Variants in FLT1 observed in about 807,000 individuals in gnomAD.
FLT1 encodes the protein fms related receptor tyrosine kinase 1.
Under a neutral mutation model 156.3 loss-of-function variants are expected in FLT1, and 49 were observed. That is an observed-to-expected ratio of 0.31 (90% CI 0.25 to 0.40). FLT1 has a LOEUF of 0.40. FLT1 is among the 10% of genes least tolerant of loss of function. The probability of loss-of-function intolerance (pLI) is 1.00; values close to 1 mark genes in which losing one functional copy is unlikely to be tolerated. For synonymous variants in FLT1, 594 were observed against 583.8 expected (o/e 1.02, Z -0.25); for missense variants, 1,322 against 1,637.2 (o/e 0.81, Z 3.32).
At chr13:28,442,182 A>G (rs1373809874) in intron 3 of FLT1, among the ~76,000 whole-genome samples, 1 of 152,224 alleles carries the variant, frequency 6.6e-6, no homozygotes, top group East Asian at 1.9e-4. Context: ...GCCATGGACT[A>G]TTGGGATTTG....
intron 10 of FLT1, among the ~76,000 whole-genome samples, chr13:28,411,558 A>C (rs1440064008): frequency 2.6e-5 from 4 of 151,876 alleles, no homozygotes; most frequent in Admixed American, 2.0e-4. Flanking sequence ...AAAAAAAAAA[A>C]AAAAAAAAAA....
In FLT1 at chr13:28,364,592, G is replaced by A. The variant is rs142708842; in HGVS notation, c.2117-6907C>T. ...TTTTAATTGACCTAGATTTTCTTTTGGGGAGGGGTATGTGTATGGTGTGAA... is the reference window on the plus strand; with the variant it reads ...TTTTAATTGACCTAGATTTTCTTTTAGGGAGGGGTATGTGTATGGTGTGAA... On this transcript the variant is annotated intron_variant, in intron 14 of 29. Coordinates refer to ENST00000282397, the MANE Select transcript of FLT1 (RefSeq NM_002019.4). Among the ~76,000 whole-genome samples, 1,083 of 152,110 alleles carry A rather than the reference G, an allele frequency of 7.1e-3. 9 individuals are homozygous for A. The highest frequency in any genetic ancestry group is 0.025 in the African/African-American group (1,040 of 41,510).
chr13:28,357,009 T>C (rs1872922273), intron 15 of FLT1, among the ~76,000 whole-genome samples: 1 of 152,244 alleles, frequency 6.6e-6, no homozygotes, highest in South Asian at 2.1e-4. Flanking sequence ...TTGGAATATT[T>C]TTCTTAAATG....
At chr13:28,326,551 A>C (rs1166665105) in intron 20 of FLT1, among the ~76,000 whole-genome samples, 1 of 108,274 alleles carries the variant, frequency 9.2e-6, no homozygotes, top group Non-Finnish European at 1.7e-5. Context: ...TTTGAGACGG[A>C]GTCTCACTCT....
intron 3 of FLT1, among the ~76,000 whole-genome samples, chr13:28,462,248 C>A (rs9579180): frequency 0.045 from 6,901 of 152,258 alleles, 222 homozygotes; most frequent in Non-Finnish European, 0.068. Context: ...AGTTTTCTTA[C>A]TTTACAGTCA....
At chr13:28,456,562 C>T (rs1211961060) in intron 3 of FLT1, among the ~76,000 whole-genome samples, 2 of 151,920 alleles carry the variant, frequency 1.3e-5, no homozygotes, top group African/African-American at 2.4e-5. Flanking sequence ...CTTTAGGAGG[C>T]GGAGGTGGGT....
rs1432677605 is a variant in FLT1 at position 28,300,691 on chromosome 13, G to A, written c.*2476C>T. On this transcript the variant is annotated 3_prime_UTR_variant, in exon 30 of 30. Transcript: ENST00000282397. ...CACGGGTCCCTAAAATTAACATCTC[G>A]GTGTCACTTCTTGGACTGACAAGAC... 10 of 232,928 alleles carry A rather than the reference G, an allele frequency of 4.3e-5. No homozygotes were observed. The highest frequency in any genetic ancestry group is 8.5e-5 in the Non-Finnish European group (10 of 118,016). 14.4% of individuals were successfully genotyped at this position (232,928 alleles called of 1,614,324 possible).
intron 27 of FLT1, 120 bp downstream of exon 27, chr13:28,311,468 TTC>T: frequency 1.1e-6 from 1 of 870,368 alleles, no homozygotes; most frequent in Non-Finnish European, 1.8e-6. Context: ...CTTTCTTTCT[TTC>T]TCTCTTTCTT....
intron 10 of FLT1, among the ~76,000 whole-genome samples, chr13:28,424,984 T>G (rs1284423193): frequency 6.6e-6 from 1 of 152,194 alleles, no homozygotes; most frequent in East Asian, 1.9e-4. Flanking sequence ...ATCTATAAAT[T>G]TTAGCTTCAT....
chr13:28,431,854 T>G (rs1038182110), intron 6 of FLT1, among the ~76,000 whole-genome samples: 1 of 152,128 alleles, frequency 6.6e-6, no homozygotes, highest in African/African-American at 2.4e-5. Flanking sequence ...CTACGAGATA[T>G]GAAGGAAAAT....
intron 4 of FLT1, among the ~76,000 whole-genome samples, chr13:28,434,796 T>C (rs1367679445): frequency 6.6e-6 from 1 of 152,106 alleles, no homozygotes. Context: ...GGCAGGAGAA[T>C]CGCTTGAACC....
At chr13:28,478,742 A>T (rs1252704415) in intron 1 of FLT1, among the ~76,000 whole-genome samples, 3 of 152,212 alleles carry the variant, frequency 2.0e-5, no homozygotes, top group African/African-American at 7.2e-5. Flanking sequence ...TAGTGCCTTC[A>T]CATTTTTGTA....
In FLT1 at chr13:28,473,225, T is replaced by A. The variant is rs117968512; in HGVS notation, c.65-5608A>T. Reference sequence around the variant, plus strand: ...CTCGATGGTTAAACATAAGAGTTGATCATAATTTAAACACATGACTCAGCA... The same window carrying A: ...CTCGATGGTTAAACATAAGAGTTGAACATAATTTAAACACATGACTCAGCA... On this transcript the variant is annotated intron_variant, in intron 1 of 29. Transcript: ENST00000282397. Among the ~76,000 whole-genome samples the A allele has an allele frequency of 9.8e-3, 1,496 of 152,222 alleles. 60 individuals carry two copies. Among genetic ancestry groups the A allele is most frequent in the Admixed American group, 0.064 (977 of 15,282 alleles).
rs765496325 is a variant in FLT1 at position 28,303,271 on chromosome 13, G to A, written c.3913C>T (p.Arg1305Cys). The A allele has an allele frequency of 1.5e-5, 24 of 1,613,846 alleles. No individual in the cohort carries two copies. In the Admixed American group the frequency reaches 1.7e-4, roughly 11 times the overall value. The change falls in exon 30 of 30, where the codon CGC (arginine) becomes TGC (cysteine). Residue 1305 changes from arginine (R) to cysteine (C), a missense_variant. Physicochemically the swap from Arg to Cys is radical, Grantham distance 180. Transcript: ENST00000282397. ...SSCGHVSEGKRRFTYDHAELE... is the reference protein window; with the variant it reads ...SSCGHVSEGKCRFTYDHAELE... ...TCAGCGTGGTCGTAGGTGAACCTGCGCTTGCCTTCGCTGACGTGCCCACAG... is the reference window on the plus strand; with the variant it reads ...TCAGCGTGGTCGTAGGTGAACCTGCACTTGCCTTCGCTGACGTGCCCACAG...
chr13:28,480,698 C>T (rs542978012), intron 1 of FLT1, among the ~76,000 whole-genome samples: 1 of 152,176 alleles, frequency 6.6e-6, no homozygotes, highest in African/African-American at 2.4e-5. Context: ...TTTCTTAGAA[C>T]TCTTGTTTTC....
intron 27 of FLT1, among the ~76,000 whole-genome samples, chr13:28,309,792 G>T (rs1240959790): frequency 6.6e-6 from 1 of 151,988 alleles, no homozygotes; most frequent in Admixed American, 6.6e-5. Context: ...TGAACAGTGA[G>T]GCTGACCTGT....
At chr13:28,483,011 G>A (rs915945973) in intron 1 of FLT1, among the ~76,000 whole-genome samples, 3 of 152,180 alleles carry the variant, frequency 2.0e-5, no homozygotes, top group African/African-American at 7.2e-5. Context: ...GGTACTCAAA[G>A]TCCATTCCAG....
intron 14 of FLT1, among the ~76,000 whole-genome samples, chr13:28,383,531 C>T (rs1279661688): frequency 3.3e-5 from 5 of 152,018 alleles, no homozygotes; most frequent in Admixed American, 1.3e-4. Flanking sequence ...GGCGTGGTGG[C>T]GGGCACCTGT....
chr13:28,337,934 G>T (rs1418066545), intron 17 of FLT1, among the ~76,000 whole-genome samples: 4 of 152,224 alleles, frequency 2.6e-5, no homozygotes, highest in African/African-American at 9.6e-5. Flanking sequence ...TCACTGAGGG[G>T]TTGGGCTAGC....
Sources: gnomAD v4.1 joint callset for allele counts (sites outside exome capture counted in the v4.1 genomes callset) on GRCh38, gnomAD v4.1.1 for gene constraint, MANE v1.5 for transcripts, NCBI Gene and HGNC (gene_info 2026-07-23, HGNC 2026-07-21) for gene names.